Variants in CFAP97D2 observed in about 807,000 individuals in gnomAD.
CFAP97D2 encodes the protein uncharacterized protein CFAP97D2.
intron 4 of CFAP97D2, among the ~76,000 whole-genome samples, chr13:114,218,987 A>G (rs1169304840): frequency 6.6e-6 from 1 of 152,226 alleles, no homozygotes; most frequent in Non-Finnish European, 1.5e-5. Flanking sequence ...CATGACTAAA[A>G]CACCAAAAGC....
At chr13:114,188,694 A>G (rs1459124947) in intron 1 of CFAP97D2, among the ~76,000 whole-genome samples, 1 of 150,798 alleles carries the variant, frequency 6.6e-6, no homozygotes, top group Non-Finnish European at 1.5e-5. Flanking sequence ...GGAGAATGGC[A>G]TGAACCCCGG....
At chr13:114,212,793 A>G (rs1019152554) in intron 4 of CFAP97D2, among the ~76,000 whole-genome samples, 2 of 152,210 alleles carry the variant, frequency 1.3e-5, no homozygotes, top group African/African-American at 2.4e-5. Context: ...CGGAGGTTGC[A>G]GTGAGCCGAG....
Position 114,220,838 on chromosome 13 carries a change from G to A in CFAP97D2, c.481-1660G>A, listed in dbSNP as rs182311387. On this transcript the variant is annotated intron_variant, in intron 4 of 4. Coordinates refer to ENST00000646158, the Ensembl canonical transcript of CFAP97D2. Reference sequence around the variant, plus strand: ...CTCCTTGGCCTCCAACCATCATCTCGGACAAAAGCTCAGCCTCGGGGAGCC... The same window carrying A: ...CTCCTTGGCCTCCAACCATCATCTCAGACAAAAGCTCAGCCTCGGGGAGCC... 1.3e-3 allele frequency among the ~76,000 whole-genome samples: 202 copies of A among 152,348 alleles called. 1 individual carries two copies. Among genetic ancestry groups the A allele is most frequent in the African/African-American group, 4.7e-3 (194 of 41,582 alleles).
At chr13:114,219,093 C>G (rs183290930) in intron 4 of CFAP97D2, among the ~76,000 whole-genome samples, 3 of 152,264 alleles carry the variant, frequency 2.0e-5, no homozygotes, top group Admixed American at 2.0e-4. Context: ...AACAGGCAAC[C>G]TACGGAATGG....
chr13:114,198,180 G>A (rs370849620), intron 2 of CFAP97D2, among the ~76,000 whole-genome samples: 1 of 152,216 alleles, frequency 6.6e-6, no homozygotes, highest in African/African-American at 2.4e-5. Flanking sequence ...TAGACACAGG[G>A]TTTCACCATG....
At chr13:114,182,733 C>T (rs1418869017) in intron 1 of CFAP97D2, among the ~76,000 whole-genome samples, 1 of 152,342 alleles carries the variant, frequency 6.6e-6, no homozygotes, top group South Asian at 2.1e-4. Context: ...ATCCCTTAAA[C>T]CTTGATTTCA....
intron 4 of CFAP97D2, among the ~76,000 whole-genome samples, chr13:114,217,362 G>A (rs2080998734): frequency 6.6e-6 from 1 of 152,126 alleles, no homozygotes; most frequent in African/African-American, 2.4e-5. Flanking sequence ...ACCAATAACA[G>A]GTTCTGAAAT....
chr13:114,195,760 C>T (rs1347473851), intron 1 of CFAP97D2, among the ~76,000 whole-genome samples: 1 of 152,114 alleles, frequency 6.6e-6, no homozygotes, highest in East Asian at 1.9e-4. Flanking sequence ...GATGCAGGGA[C>T]ATAACTCACT....
chr13:114,216,629 T>C (rs1400966279), intron 4 of CFAP97D2, among the ~76,000 whole-genome samples: 1 of 152,236 alleles, frequency 6.6e-6, no homozygotes, highest in East Asian at 1.9e-4. Context: ...CTCATCCTTT[T>C]TTATGGCTGC....
intron 1 of CFAP97D2, among the ~76,000 whole-genome samples, chr13:114,181,984 A>C (rs920563302): frequency 2.0e-5 from 3 of 152,144 alleles, no homozygotes; most frequent in Non-Finnish European, 4.4e-5. Context: ...GAAAAGAAAT[A>C]AGACACAGAG....
intron 1 of CFAP97D2, among the ~76,000 whole-genome samples, chr13:114,195,561 G>A (rs1258280634): frequency 1.3e-5 from 2 of 152,172 alleles, no homozygotes; most frequent in African/African-American, 4.8e-5. Flanking sequence ...TAGAATATGC[G>A]GGGATTCCTT....
intron 4 of CFAP97D2, among the ~76,000 whole-genome samples, chr13:114,217,988 C>T (rs1385315615): frequency 6.6e-6 from 1 of 152,170 alleles, no homozygotes; most frequent in Non-Finnish European, 1.5e-5. Flanking sequence ...CCCTCTCTCA[C>T]CACTCCTATT....
intron 1 of CFAP97D2, among the ~76,000 whole-genome samples, chr13:114,182,613 T>A (rs7317060): frequency 6.6e-6 from 1 of 150,802 alleles, no homozygotes; most frequent in African/African-American, 2.4e-5. Context: ...TGCGGCTTTC[T>A]GCAGTGCATT....
intron 4 of CFAP97D2, chr13:114,212,164 T>C (rs1347129593): frequency 2.5e-6 from 1 of 398,088 alleles, no homozygotes; most frequent in Non-Finnish European, 4.4e-6. Flanking sequence ...TTTTACTTCA[T>C]CAGATTCATC....
Position 114,189,654 on chromosome 13 carries a change from A to G in CFAP97D2, c.91-6742A>G, listed in dbSNP as rs149535179. Among the ~76,000 whole-genome samples, 1 of 152,208 alleles carries G rather than the reference A, an allele frequency of 6.6e-6. No individual in the cohort carries two copies. The highest frequency in any genetic ancestry group is 6.5e-5 in the Admixed American group (1 of 15,274). On this transcript the variant is annotated intron_variant, in intron 1 of 4. Coordinates refer to ENST00000646158, the Ensembl canonical transcript of CFAP97D2. This position sits in a 1 kb window ranked among gnomAD's most constrained non-coding sequence, Gnocchi z 4.5. ...CAAGTGGGATTCATTCCAGGTATGCAAGGCTGGCTCATCATTCAAAAATCA... is the reference window on the plus strand; with the variant it reads ...CAAGTGGGATTCATTCCAGGTATGCGAGGCTGGCTCATCATTCAAAAATCA...
At chr13:114,182,424 C>T (rs1187833336) in intron 1 of CFAP97D2, among the ~76,000 whole-genome samples, 1 of 149,824 alleles carries the variant, frequency 6.7e-6, no homozygotes, top group Admixed American at 6.7e-5. Context: ...GAGACAGTGG[C>T]CTTCCTCTAT....
chr13:114,180,384 C>T (rs1367090802), intron 1 of CFAP97D2, among the ~76,000 whole-genome samples: 1 of 152,216 alleles, frequency 6.6e-6, no homozygotes, highest in Non-Finnish European at 1.5e-5. Flanking sequence ...ACCCAGCCCC[C>T]ACCCCACGTC....
chr13:114,182,537 C>T (rs1441582502), intron 1 of CFAP97D2, among the ~76,000 whole-genome samples: 3 of 151,812 alleles, frequency 2.0e-5, no homozygotes, highest in African/African-American at 7.3e-5. Flanking sequence ...CCCACGAGGC[C>T]GTATTTCAGA....
chr13:114,209,450 C>T (rs561664301), intron 3 of CFAP97D2, among the ~76,000 whole-genome samples: 17 of 152,328 alleles, frequency 1.1e-4, no homozygotes, highest in African/African-American at 3.8e-4. Context: ...CTTTCTCCTC[C>T]GTGTCTCAGG....
Sources: allele counts gnomAD v4.1 joint callset (sites outside exome capture counted in the v4.1 genomes callset), GRCh38; gene constraint gnomAD v4.1.1; non-coding constraint Gnocchi (gnomAD v3.1); transcripts MANE v1.5; gene names NCBI Gene and HGNC (gene_info 2026-07-23, HGNC 2026-07-21).